The following MRPL48 variants were observed in gnomAD, a reference collection of about 807,000 sequenced individuals.
The protein encoded by MRPL48 is large ribosomal subunit protein mL48.
Under a neutral mutation model 32.9 loss-of-function variants are expected in MRPL48, and 16 were observed. The ratio of observed to expected loss-of-function variants is 0.49; its 90% CI spans 0.33 to 0.74. The LOEUF (loss-of-function observed/expected upper bound fraction) is 0.74. MRPL48 is among the 30% of genes least tolerant of loss of function. The probability of loss-of-function intolerance (pLI) is 0.02; values close to 1 mark genes in which losing one functional copy is unlikely to be tolerated. For missense variants in MRPL48, 206 were observed against 245.3 expected, an observed-to-expected ratio of 0.84 and a Z score of 1.07; for synonymous variants, 94 against 89.2, an observed-to-expected ratio of 1.05 and a Z score of -0.31.
chr11:73,819,787 A>G (rs903912937), intron 3 of MRPL48, among the ~76,000 whole-genome samples: 5 of 152,074 alleles, frequency 3.3e-5, no homozygotes, highest in African/African-American at 4.8e-5. Flanking sequence ...AGTCCCAGCT[A>G]CTCGGGAGAT....
chr11:73,798,320 C>T (rs1411857854), intron 1 of MRPL48, among the ~76,000 whole-genome samples: 1 of 152,146 alleles, frequency 6.6e-6, no homozygotes, highest in Non-Finnish European at 1.5e-5. Context: ...TTTCAAACTC[C>T]TGACCTCAGG....
intron 3 of MRPL48, among the ~76,000 whole-genome samples, chr11:73,824,311 C>G (rs1001963445): frequency 6.6e-6 from 1 of 151,308 alleles, no homozygotes; most frequent in Admixed American, 6.6e-5. Flanking sequence ...ACTGTATGGC[C>G]GGGCGCGGTG....
chr11:73,816,921 G>C (rs1455136668), intron 3 of MRPL48, among the ~76,000 whole-genome samples: 3 of 151,822 alleles, frequency 2.0e-5, no homozygotes, highest in African/African-American at 4.8e-5. Flanking sequence ...TGGCTCCCAG[G>C]TTCAAGTGAT....
intron 5 of MRPL48, chr11:73,851,195 T>C: frequency 2.3e-6 from 1 of 437,932 alleles, no homozygotes; most frequent in South Asian, 1.7e-5. Flanking sequence ...ACACCGCCAC[T>C]GGGTGCCGCC....
chr11:73,852,846 G>A (rs4537782), intron 5 of MRPL48, among the ~76,000 whole-genome samples: 13,709 of 152,184 alleles, frequency 0.09, 737 homozygotes, highest in South Asian at 0.26. Context: ...GGAAGCAACC[G>A]GAGTGTCTGT....
chr11:73,838,890 T>G (rs1178825922), intron 4 of MRPL48, among the ~76,000 whole-genome samples: 3 of 152,236 alleles, frequency 2.0e-5, no homozygotes, highest in Admixed American at 6.5e-5. Flanking sequence ...TTTATCTGTT[T>G]GGGCTTCATA....
At chr11:73,817,418 G>A (rs1209067904) in intron 3 of MRPL48, among the ~76,000 whole-genome samples, 1 of 152,102 alleles carries the variant, frequency 6.6e-6, no homozygotes, top group Non-Finnish European at 1.5e-5. Flanking sequence ...CTGTTGATGT[G>A]TATTATTACT....
At chr11:73,804,085 A>C (rs1325693569) in intron 1 of MRPL48, among the ~76,000 whole-genome samples, 1 of 150,916 alleles carries the variant, frequency 6.6e-6, no homozygotes, top group East Asian at 2.0e-4. Flanking sequence ...ATGCCTGGTT[A>C]ATTTTTGTAT....
intron 3 of MRPL48, among the ~76,000 whole-genome samples, chr11:73,815,906 T>A (rs1565411618): frequency 6.6e-6 from 1 of 150,676 alleles, no homozygotes; most frequent in Admixed American, 6.6e-5. Context: ...TTTTTTTTTT[T>A]ATAGAGACAG....
rs142219300 is a variant in MRPL48 at position 73,814,993 on chromosome 11, CATAAATAA to C, written c.112+6665_112+6672del. Among the ~76,000 whole-genome samples, 318 of 149,164 alleles carry C rather than the reference CATAAATAA, an allele frequency of 2.1e-3. 7 individuals carry two copies. The East Asian group carries it at 0.038, about 18-fold the overall frequency. ...AGGATGACAGAGCAAGACTTGGTCT[CATAAATAA>C]ATAAATAAATAAATAAATAAAACAA... is the stretch of plus-strand genomic sequence containing the variant. On this transcript the variant is annotated intron_variant, in intron 3 of 7. Coordinates refer to ENST00000310614, the MANE Select transcript of MRPL48 (RefSeq NM_016055.6).
chr11:73,809,306 A>C (rs774130164), intron 3 of MRPL48, among the ~76,000 whole-genome samples: 64 of 151,980 alleles, frequency 4.2e-4, no homozygotes, highest in Middle Eastern at 6.8e-3. Context: ...AGATCAAGAC[A>C]ATCCTGGCTA....
At chr11:73,820,498 T>G (rs889088460) in intron 3 of MRPL48, among the ~76,000 whole-genome samples, 2 of 152,142 alleles carry the variant, frequency 1.3e-5, no homozygotes, top group African/African-American at 4.8e-5. Flanking sequence ...TGCTGGGATT[T>G]CAGGTGTGAG....
intron 5 of MRPL48, among the ~76,000 whole-genome samples, chr11:73,852,637 C>T (rs1223467732): frequency 2.0e-5 from 3 of 152,126 alleles, no homozygotes; most frequent in Admixed American, 1.3e-4. Flanking sequence ...AACCTTTATA[C>T]ACTGTTGATG....
intron 6 of MRPL48, among the ~76,000 whole-genome samples, chr11:73,862,392 A>T (rs556021791): frequency 6.6e-6 from 1 of 152,170 alleles, no homozygotes; most frequent in Non-Finnish European, 1.5e-5. Flanking sequence ...ATTGCACTCC[A>T]GCCTGGGCAA....
intron 3 of MRPL48, among the ~76,000 whole-genome samples, chr11:73,824,138 G>C (rs564912235): frequency 6.6e-6 from 1 of 151,926 alleles, no homozygotes; most frequent in Admixed American, 6.6e-5. Flanking sequence ...ACAGCCATGA[G>C]CCACCGCACC....
intron 3 of MRPL48, among the ~76,000 whole-genome samples, chr11:73,814,914 C>A (rs1302095105): frequency 2.6e-5 from 4 of 151,852 alleles, no homozygotes; most frequent in Admixed American, 6.6e-5. Context: ...ATCCCTTGAA[C>A]CTGGGAGGCG....
intron 3 of MRPL48, among the ~76,000 whole-genome samples, chr11:73,817,170 C>T (rs1221329422): frequency 1.3e-5 from 2 of 151,848 alleles, no homozygotes; most frequent in Non-Finnish European, 2.9e-5. Context: ...AAATAGGGCA[C>T]GTTAAATGGC....
intron 3 of MRPL48, among the ~76,000 whole-genome samples, chr11:73,809,897 A>T (rs893690399): frequency 4.6e-5 from 7 of 152,230 alleles, no homozygotes; most frequent in Non-Finnish European, 1.0e-4. Flanking sequence ...ATTTTAGAAG[A>T]TGGCGGCAAT....
At position 73,838,035 on chromosome 11, in the gene MRPL48, G is replaced by A. The variant is rs181705496; in HGVS notation, c.202-6772G>A. 1.7e-4 allele frequency among the ~76,000 whole-genome samples: 26 copies of A among 152,106 alleles called. No individual in the cohort carries two copies. In the East Asian group the frequency reaches 1.9e-3, roughly 11 times the overall value. ...CCTGGCTAATTTTTTTGTATTTTTG[G>A]TAGAGATGGGGTTTCACCATGTTGG... On this transcript the variant is annotated intron_variant, in intron 4 of 7. Transcript: ENST00000310614.
Sources: allele counts gnomAD v4.1 joint callset (sites outside exome capture counted in the v4.1 genomes callset), GRCh38; gene constraint gnomAD v4.1.1; transcripts MANE v1.5; gene names NCBI Gene and HGNC (gene_info 2026-07-23, HGNC 2026-07-21).